PRPSAP1: variants seen among roughly 807,000 people sequenced by gnomAD.
The protein encoded by PRPSAP1 is phosphoribosyl pyrophosphate synthetase associated protein 1.
A neutral mutation model predicts 39.4 loss-of-function variants in PRPSAP1; 31 were observed. The observed-to-expected ratio is 0.79, with a 90% CI of 0.59 to 1.06. The LOEUF (loss-of-function observed/expected upper bound fraction) is 1.06. Among genes scored for constraint, PRPSAP1 ranks in the 50% least tolerant of loss-of-function variants. PRPSAP1 has a pLI of 0.00. For synonymous variants in PRPSAP1, 212 were observed against 192.6 expected, an observed-to-expected ratio of 1.10 and a Z score of -0.83; for missense variants, 430 against 511.6, an observed-to-expected ratio of 0.84 and a Z score of 1.54.
chr17:76,320,614 T>C (rs1304301712), intron 7 of PRPSAP1, among the ~76,000 whole-genome samples: 1 of 150,442 alleles, frequency 6.6e-6, no homozygotes, highest in African/African-American at 2.4e-5. Context: ...TTTGTATTTC[T>C]AGTAGAGACA....
At chr17:76,314,314 G>C (rs1418684695) in intron 7 of PRPSAP1, 1 of 207,060 alleles carries the variant, frequency 4.8e-6, no homozygotes, top group East Asian at 1.4e-4. Flanking sequence ...CCGCCTCCCA[G>C]GTTCAAGCAA....
At chr17:76,330,128 GA>G (rs1899852009) in intron 5 of PRPSAP1, 30 bp from the exon 6 acceptor site, 1 of 1,586,386 alleles carries the variant, frequency 6.3e-7, no homozygotes, top group African/African-American at 1.3e-5. Flanking sequence ...AGAAAATACT[GA>G]AAAGTTATCA....
intron 7 of PRPSAP1, among the ~76,000 whole-genome samples, chr17:76,327,239 T>A (rs372759522): frequency 6.6e-6 from 1 of 152,056 alleles, no homozygotes; most frequent in Non-Finnish European, 1.5e-5. Flanking sequence ...TCACAGCTAC[T>A]TGGGAGGCTG....
chr17:76,349,202 G>A (rs1283960574), intron 1 of PRPSAP1, among the ~76,000 whole-genome samples: 1 of 151,940 alleles, frequency 6.6e-6, no homozygotes. Flanking sequence ...TACTAGGGAG[G>A]CTGAGGCAGG....
chr17:76,328,919 C>T (rs768336195), intron 6 of PRPSAP1, 57 bp from the exon 7 acceptor site: 19 of 1,526,154 alleles, frequency 1.2e-5, no homozygotes, highest in South Asian at 5.9e-5. Flanking sequence ...CGCATCACTA[C>T]GGCATCATTT....
At chr17:76,327,998 A>G (rs965182302) in intron 7 of PRPSAP1, among the ~76,000 whole-genome samples, 2 of 152,050 alleles carry the variant, frequency 1.3e-5, no homozygotes, top group Non-Finnish European at 2.9e-5. Flanking sequence ...AGCCTGGGCA[A>G]TGCAGGGAGC....
intron 3 of PRPSAP1, among the ~76,000 whole-genome samples, chr17:76,342,237 G>A (rs1304870378): frequency 6.6e-6 from 1 of 151,996 alleles, no homozygotes; most frequent in East Asian, 1.9e-4. Context: ...ACAAGAGACT[G>A]AATAAACCGA....
In PRPSAP1 at chr17:76,346,355, C is replaced by T. The variant is rs566657096; in HGVS notation, c.224-1618G>A. 2.6e-5 allele frequency among the ~76,000 whole-genome samples: 4 copies of T among 152,294 alleles called. No homozygotes were observed. In the South Asian group the frequency reaches 6.2e-4, roughly 24 times the overall value. ...TCCTCTCGGCTCCCAGGAAGAGGGG[C>T]TCCCTGACTTTGACACACATGGCCA... On this transcript the variant is annotated intron_variant, in intron 2 of 9. Transcript: ENST00000446526.
chr17:76,351,145 C>T (rs897758176), intron 1 of PRPSAP1, among the ~76,000 whole-genome samples: 4 of 152,100 alleles, frequency 2.6e-5, no homozygotes, highest in Non-Finnish European at 5.9e-5. Context: ...CGCCTATAAT[C>T]CCAGATCGTC....
chr17:76,324,355 T>C (rs2071229360), intron 7 of PRPSAP1, among the ~76,000 whole-genome samples: 3 of 151,880 alleles, frequency 2.0e-5, no homozygotes, highest in African/African-American at 7.3e-5. Flanking sequence ...TCCCAGCACT[T>C]TGGGAGGCTA....
intron 7 of PRPSAP1, among the ~76,000 whole-genome samples, chr17:76,319,804 G>T (rs746632913): frequency 2.2e-4 from 33 of 152,060 alleles, no homozygotes; most frequent in Non-Finnish European, 4.0e-4. Context: ...AGGTATAAGG[G>T]CTCCTTGGAG....
At chr17:76,343,453 C>T (rs182728884) in intron 3 of PRPSAP1, among the ~76,000 whole-genome samples, 3 of 152,368 alleles carry the variant, frequency 2.0e-5, no homozygotes, top group Non-Finnish European at 2.9e-5. Flanking sequence ...ATGCACCACA[C>T]GTAACAACTA....
rs926413885 is a variant in PRPSAP1 at position 76,353,870 on chromosome 17, G to C, written c.-167C>G. 9 of 1,326,188 alleles carry C rather than the reference G, an allele frequency of 6.8e-6. No homozygotes were observed. The highest frequency in any genetic ancestry group is 3.2e-5 in the East Asian group (1 of 31,684). The allele number at this position is 1,326,188 out of a possible 1,614,324, so 82.2% of individuals were successfully genotyped here. On this transcript the variant is annotated 5_prime_UTR_variant, in exon 1 of 10. Transcript: ENST00000446526. ...CGCACCCCACACCACTGACTACAGC[G>C]GCCGAGCCTTCGCAGCGCCCGGCGC...
intron 7 of PRPSAP1, among the ~76,000 whole-genome samples, chr17:76,325,583 C>T (rs544814670): frequency 3.0e-4 from 45 of 148,108 alleles, no homozygotes; most frequent in African/African-American, 1.1e-3. Flanking sequence ...AAGATGGAGG[C>T]TCAGATGACT....
At chr17:76,328,640 C>A in intron 7 of PRPSAP1, 77 bp downstream of exon 7, 1 of 1,505,512 alleles carries the variant, frequency 6.6e-7, no homozygotes, top group Non-Finnish European at 9.0e-7. Context: ...AAAACAACAA[C>A]AACAAAACCA....
chr17:76,319,180 T>C (rs906515222), intron 7 of PRPSAP1, among the ~76,000 whole-genome samples: 20 of 151,870 alleles, frequency 1.3e-4, no homozygotes, highest in Non-Finnish European at 2.2e-4. Flanking sequence ...CCTCGTGATC[T>C]GCCTGCCTCG....
chr17:76,330,738 T>C, intron 4 of PRPSAP1, 72 bp from the exon 5 acceptor site: 2 of 887,366 alleles, frequency 2.3e-6, no homozygotes, highest in African/African-American at 3.4e-5. Flanking sequence ...CTAAACTAGA[T>C]GCTCAACTCC....
intron 1 of PRPSAP1, 32 bp downstream of exon 1, chr17:76,353,502 C>T (rs764260026): frequency 2.0e-6 from 3 of 1,471,528 alleles, no homozygotes; most frequent in Non-Finnish European, 2.7e-6. Flanking sequence ...GGCGCCGCCG[C>T]CCCCGGCCCG....
chr17:76,328,580 G>A, intron 7 of PRPSAP1, 137 bp downstream of exon 7: 1 of 1,154,568 alleles, frequency 8.7e-7, no homozygotes, highest in Non-Finnish European at 1.2e-6. Context: ...CTGCACTCTA[G>A]CCTGGGTGAC....
Sources: allele counts gnomAD v4.1 joint callset (sites outside exome capture counted in the v4.1 genomes callset), GRCh38; gene constraint gnomAD v4.1.1; transcripts MANE v1.5; gene names NCBI Gene and HGNC (gene_info 2026-07-23, HGNC 2026-07-21).